The following LAMTOR4 variants were observed in gnomAD, a reference collection of about 807,000 sequenced individuals.
LAMTOR4 encodes ragulator complex protein LAMTOR4.
A neutral mutation model predicts 13.5 loss-of-function variants in LAMTOR4; 11 were observed. The ratio of observed to expected loss-of-function variants is 0.82; its 90% CI spans 0.51 to 1.35. The LOEUF (loss-of-function observed/expected upper bound fraction) is 1.35, where lower values mean the gene tolerates loss of function less well. Among genes scored for constraint, LAMTOR4 ranks in the 40% most tolerant of loss-of-function variants. The pLI, the probability that LAMTOR4 is intolerant of heterozygous loss-of-function variation, is 0.00. For missense variants in LAMTOR4, 128 were observed against 126.2 expected (o/e 1.01, Z -0.07); for synonymous variants, 69 against 52.3 (o/e 1.32, Z -1.38).
chr7:100,149,769 G>T (rs1360654138), intron 2 of LAMTOR4, 190 bp downstream of exon 2: 4 of 496,670 alleles, frequency 8.1e-6, no homozygotes, highest in African/African-American at 7.7e-5. Flanking sequence ...CCTAACGGCT[G>T]CGATTTATTT....
At chr7:100,149,604 T>C (rs750268629) in intron 2 of LAMTOR4, 25 bp downstream of exon 2, 87 of 1,583,358 alleles carry the variant, frequency 5.5e-5, no homozygotes, top group Non-Finnish European at 7.4e-5. Context: ...AGGGAGGGGG[T>C]CCCTTAGTGC....
At position 100,153,898 on chromosome 7, in the gene LAMTOR4, G is replaced by A. The variant is rs11540426; in HGVS notation, c.234G>A (p.Thr78=). 0.01 allele frequency: 16,139 copies of A among 1,591,650 alleles called. 117 individuals carry two copies. The highest frequency in any genetic ancestry group is 0.011 in the Non-Finnish European group (13,001 of 1,169,498). Residue 78 remains threonine, a synonymous_variant, in exon 4 of 4, where the codon ACG becomes ACA. Coordinates refer to ENST00000341942, the MANE Select transcript of LAMTOR4 (RefSeq NM_001008395.4). ...TTGGAGAACACACACTGCTGGTGAC[G>A]GTGTCAGGACAGAGGGTGTTTGTGG... ...VVFGEHTLLV[T]VSGQRVFVVK...
Position 100,148,979 on chromosome 7 carries a change from A to G in LAMTOR4, c.3+4A>G. 1 of 1,610,968 alleles carries G rather than the reference A, an allele frequency of 6.2e-7. No homozygotes were observed. Among genetic ancestry groups the G allele is most frequent in the Non-Finnish European group, 8.5e-7 (1 of 1,179,424 alleles). The stretch of plus-strand genomic sequence containing the variant: ...CCCAGCACCGAAGACTGCGATGGTG[A>G]GTGAGGACGCATGCGCGAGAGGACC... On this transcript the variant is annotated splice_donor_region_variant and intron_variant, in intron 1 of 3. Transcript: ENST00000341942.
rs1313686597 is a variant in LAMTOR4 at position 100,149,494 on chromosome 7, A to G, written c.4-5A>G. 6 of 1,607,914 alleles carry G rather than the reference A, an allele frequency of 3.7e-6. No homozygotes were observed. The highest frequency in any genetic ancestry group is 5.1e-6 in the Non-Finnish European group (6 of 1,174,454). On this transcript the variant is annotated splice_region_variant and splice_polypyrimidine_tract_variant and intron_variant, in intron 1 of 3. Transcript: ENST00000341942. ...CTTCTCACGACTTGCATCTTTACCC[A>G]CTAGACTTCTGCGCTGACCCAGGGG...
At chr7:100,150,648 T>C (rs1798670347) in intron 2 of LAMTOR4, among the ~76,000 whole-genome samples, 1 of 152,086 alleles carries the variant, frequency 6.6e-6, no homozygotes, top group African/African-American at 2.4e-5. Context: ...TTGAGCAATA[T>C]TGTTGTTAGT....
rs1307062902 is a variant in LAMTOR4, at chr7:100,153,403, T to A, written c.88T>A (p.Ser30Thr). Reference sequence around the variant, plus strand: ...TCCCTCCTCCGTCTGCATGCAGTCATCTGGGGACCTGGAGAATGATGAGCA... The same window carrying A: ...TCCCTCCTCCGTCTGCATGCAGTCAACTGGGGACCTGGAGAATGATGAGCA... Reference protein sequence around the residue: ...VLSEGAVLASSGDLENDEQAA... With the variant: ...VLSEGAVLASTGDLENDEQAA... The change falls in exon 3 of 4, where the codon TCT (serine) becomes ACT (threonine). Residue 30 changes from serine to threonine, a missense_variant. Coordinates refer to ENST00000341942, the MANE Select transcript of LAMTOR4 (RefSeq NM_001008395.4). The A allele has an allele frequency of 1.9e-6, 3 of 1,608,840 alleles. No individual in the cohort carries two copies. The East Asian group carries it at 6.7e-5, about 36-fold the overall frequency.
chr7:100,148,998 G>T, intron 1 of LAMTOR4, 23 bp downstream of exon 1: 1 of 1,608,008 alleles, frequency 6.2e-7, no homozygotes, highest in Non-Finnish European at 8.5e-7. Context: ...GCATGCGCGA[G>T]AGGACCCGCC....
chr7:100,149,362 G>T, intron 1 of LAMTOR4, 137 bp from the exon 2 acceptor site: 1 of 706,166 alleles, frequency 1.4e-6, no homozygotes, highest in Non-Finnish European at 2.6e-6. Flanking sequence ...GGGGGGAGGG[G>T]GCCGGGAAGG....
At chr7:100,149,838 C>G in intron 2 of LAMTOR4, 2 of 319,746 alleles carry the variant, frequency 6.3e-6, no homozygotes, top group East Asian at 1.1e-4. Flanking sequence ...TGCAGTGGTG[C>G]GACCTCGGCT....
chr7:100,152,858 A>C (rs1292263506), intron 2 of LAMTOR4: 1 of 154,944 alleles, frequency 6.5e-6, no homozygotes, highest in Non-Finnish European at 1.4e-5. Flanking sequence ...AGCATGGTCA[A>C]TAAAGAGATG....
chr7:100,149,359 G>A, intron 1 of LAMTOR4, 140 bp from the exon 2 acceptor site: 1 of 702,822 alleles, frequency 1.4e-6, no homozygotes, highest in Non-Finnish European at 2.6e-6. Context: ...GTAGGGGGGA[G>A]GGGGCCGGGA....
intron 1 of LAMTOR4, chr7:100,149,254 T>C: frequency 1.7e-6 from 1 of 603,178 alleles, no homozygotes; most frequent in Non-Finnish European, 2.9e-6. Context: ...CAAAGGCCCC[T>C]TGGGGTAGCA....
At chr7:100,152,254 T>C (rs1305304288) in intron 2 of LAMTOR4, among the ~76,000 whole-genome samples, 1 of 151,990 alleles carries the variant, frequency 6.6e-6, no homozygotes, top group African/African-American at 2.4e-5. Context: ...TACAAAAAAT[T>C]AGCCTGGCAT....
chr7:100,153,996 A>T lies in LAMTOR4; in HGVS notation c.*32A>T. 6.6e-7 allele frequency: 1 copy of T among 1,521,352 alleles called. No individual in the cohort carries two copies. The highest frequency in any genetic ancestry group is 9.0e-7 in the Non-Finnish European group (1 of 1,116,998). The allele number at this position is 1,521,352 out of a possible 1,614,324, so 94.2% of individuals were successfully genotyped here. A position where few individuals can be genotyped will look rare whatever the true frequency, so the allele number is the denominator to read the frequency against. ...CGGAGGGCGAGGGTCGGAGAAGCGG[A>T]TTGGGTCCTGGGCCTCTGTGATGAG... On this transcript the variant is annotated 3_prime_UTR_variant, in exon 4 of 4. Transcript: ENST00000341942.
chr7:100,153,387 C>T lies in LAMTOR4; in HGVS notation c.85-13C>T, dbSNP rs370479597. ...GTAATGCCCGCCCCTCTCCCTCCTC[C>T]GTCTGCATGCAGTCATCTGGGGACC... On this transcript the variant is annotated splice_polypyrimidine_tract_variant and intron_variant, in intron 2 of 3. Transcript: ENST00000341942. 9.2e-5 allele frequency: 145 copies of T among 1,582,952 alleles called. No homozygotes were observed. The highest frequency in any genetic ancestry group is 1.2e-4 in the Non-Finnish European group (137 of 1,154,868).
chr7:100,149,315 A>G, intron 1 of LAMTOR4, 184 bp from the exon 2 acceptor site: 1 of 626,938 alleles, frequency 1.6e-6, no homozygotes, highest in South Asian at 1.9e-5. Flanking sequence ...GTGGGGGCAG[A>G]TGGAGGCTCG....
intron 1 of LAMTOR4, 192 bp from the exon 2 acceptor site, chr7:100,149,307 G>C (rs997380030): frequency 1.4e-5 from 9 of 633,664 alleles, no homozygotes; most frequent in Non-Finnish European, 2.3e-5. Flanking sequence ...GGGCGAGAGT[G>C]GGGGCAGATG....
chr7:100,149,337 A>T (rs1008433629), intron 1 of LAMTOR4, 162 bp from the exon 2 acceptor site: 45 of 667,740 alleles, frequency 6.7e-5, no homozygotes, highest in Admixed American at 2.2e-5. Flanking sequence ...GAAGATCAGT[A>T]TTGAGGACCA....
chr7:100,153,556 G>GC (rs750534413), intron 3 of LAMTOR4, 39 bp downstream of exon 3: 1 of 1,541,042 alleles, frequency 6.5e-7, no homozygotes, highest in East Asian at 2.2e-5. Context: ...GGTACTGGGA[G>GC]CGGGGGGCTA....
Sources: allele counts gnomAD v4.1 joint callset (sites outside exome capture counted in the v4.1 genomes callset), GRCh38; gene constraint gnomAD v4.1.1; transcripts MANE v1.5; gene names NCBI Gene and HGNC (gene_info 2026-07-23, HGNC 2026-07-21).